Variants in KIAA1549L observed in about 807,000 individuals in gnomAD.
KIAA1549L encodes UPF0606 protein KIAA1549L.
A neutral mutation model predicts 160.7 loss-of-function variants in KIAA1549L; 88 were observed. The observed-to-expected ratio is 0.55, with a 90% CI of 0.46 to 0.65. The LOEUF (loss-of-function observed/expected upper bound fraction) is 0.65. Ranked by LOEUF, KIAA1549L falls within the 30% of genes least tolerant of loss-of-function variation. KIAA1549L has a pLI of 0.00. For missense variants in KIAA1549L, 2,258 were observed against 2,437.5 expected, an observed-to-expected ratio of 0.93 and a Z score of 1.55; for synonymous variants, 950 against 976.7, an observed-to-expected ratio of 0.97 and a Z score of 0.51.
chr11:33,549,569 G>A (rs914561712), intron 4 of KIAA1549L, among the ~76,000 whole-genome samples: 2 of 152,136 alleles, frequency 1.3e-5, no homozygotes, highest in Non-Finnish European at 2.9e-5. Flanking sequence ...ATCATCTTGA[G>A]CACCATCTTC....
intron 1 of KIAA1549L, among the ~76,000 whole-genome samples, chr11:33,475,588 C>T (rs1852267722): frequency 6.6e-6 from 1 of 151,184 alleles, no homozygotes; most frequent in Non-Finnish European, 1.5e-5. Context: ...TGCAGCGGCT[C>T]ATGCCTGTAA....
chr11:33,655,141 T>C (rs1490376756), intron 17 of KIAA1549L, among the ~76,000 whole-genome samples: 1 of 152,254 alleles, frequency 6.6e-6, no homozygotes, highest in East Asian at 1.9e-4. Context: ...TCTAATCCTG[T>C]CTGTCTCTGT....
chr11:33,465,455 A>G (rs1289989456), intron 1 of KIAA1549L, among the ~76,000 whole-genome samples: 1 of 152,096 alleles, frequency 6.6e-6, no homozygotes, highest in African/African-American at 2.4e-5. Context: ...CTCATCCTGC[A>G]TGCATGACCC....
chr11:33,641,722 C>T lies in KIAA1549L; in HGVS notation c.5410-3964C>T, dbSNP rs1026712542. 5.4e-5 allele frequency among the ~76,000 whole-genome samples: 8 copies of T among 149,450 alleles called. No homozygotes were observed. The Admixed American group carries it at 5.4e-4, about 10-fold the overall frequency. ...AATTATGGGGAACACATTTGTCTTT[C>T]AATGCCTTAATTTCCTCTTCTGTAA... On this transcript the variant is annotated intron_variant, in intron 16 of 20. Coordinates refer to ENST00000658780, the MANE Select transcript of KIAA1549L (RefSeq NM_012194.3).
chr11:33,669,445 C>G lies in KIAA1549L; in HGVS notation c.*1291C>G. The G allele has an allele frequency of 6.6e-6, 1 of 152,234 alleles. No homozygotes were observed. Among genetic ancestry groups the G allele is most frequent in the Non-Finnish European group, 1.5e-5 (1 of 68,060 alleles). 9.4% of individuals were successfully genotyped at this position (152,234 alleles called of 1,614,324 possible). ...CCCATCAATGCAAGCAAAACAGCTA[C>G]TGACTTTGTGTAGCAGGGAGATTGG... On this transcript the variant is annotated 3_prime_UTR_variant, in exon 21 of 21. Transcript: ENST00000658780.
At chr11:33,563,284 G>A (rs1347896192) in intron 8 of KIAA1549L, among the ~76,000 whole-genome samples, 1 of 150,660 alleles carries the variant, frequency 6.6e-6, no homozygotes, top group Non-Finnish European at 1.5e-5. Flanking sequence ...AGGAGGCGGA[G>A]GTTGTAGTGA....
chr11:33,442,550 T>A (rs925206416), intron 1 of KIAA1549L, among the ~76,000 whole-genome samples: 1 of 152,246 alleles, frequency 6.6e-6, no homozygotes, highest in Non-Finnish European at 1.5e-5. Flanking sequence ...GCTCAATCTT[T>A]GTCAGTGATC....
chr11:33,498,753 A>T (rs1184154191), intron 1 of KIAA1549L, among the ~76,000 whole-genome samples: 1 of 152,238 alleles, frequency 6.6e-6, no homozygotes, highest in African/African-American at 2.4e-5. Context: ...GTGTATGTAT[A>T]CAGGGAAGGG....
chr11:33,661,125 G>C (rs1852247607), intron 20 of KIAA1549L, 111 bp downstream of exon 20: 1 of 1,070,894 alleles, frequency 9.3e-7, no homozygotes, highest in African/African-American at 1.6e-5. Context: ...CCTCCTCACA[G>C]TACCCGGATG....
intron 13 of KIAA1549L, among the ~76,000 whole-genome samples, chr11:33,599,675 G>A (rs1850303544): frequency 6.6e-6 from 1 of 152,144 alleles, no homozygotes. Context: ...TCTATAGATG[G>A]CCTCTGTCAA....
chr11:33,618,677 G>A lies in KIAA1549L; in HGVS notation c.5409+15G>A, dbSNP rs770438397. On this transcript the variant is annotated intron_variant, in intron 16 of 20. Coordinates refer to ENST00000658780, the MANE Select transcript of KIAA1549L (RefSeq NM_012194.3). ...GCGGATACGATGTGAGTCTCTGGTG[G>A]GCTGGGTAAATACAAGCTTTCCTTT... 30 of 1,555,532 alleles carry A rather than the reference G, an allele frequency of 1.9e-5. 1 individual carries two copies. The South Asian group carries it at 3.3e-4, about 17-fold the overall frequency.
At position 33,539,594 on chromosome 11, in the gene KIAA1549L, C is replaced by T. The variant is rs541588590; in HGVS notation, c.239-2208C>T. Among the ~76,000 whole-genome samples the T allele has an allele frequency of 4.0e-4, 61 of 152,348 alleles. No individual in the cohort carries two copies. In the South Asian group the frequency reaches 6.0e-3, roughly 15 times the overall value. ...TGCTACTTTCTTCTTTCTCTTCTTT[C>T]TTTGCCTCCTCCTTCTGTTTTTCAG... On this transcript the variant is annotated intron_variant, in intron 1 of 20. Coordinates refer to ENST00000658780, the MANE Select transcript of KIAA1549L (RefSeq NM_012194.3).
At chr11:33,445,445 T>G (rs546966865) in intron 1 of KIAA1549L, among the ~76,000 whole-genome samples, 1 of 152,330 alleles carries the variant, frequency 6.6e-6, no homozygotes, top group Admixed American at 6.5e-5. Context: ...TGAAATAATT[T>G]GTGTCGGTTA....
At chr11:33,428,008 A>T (rs2615893) in intron 1 of KIAA1549L, among the ~76,000 whole-genome samples, 1 of 151,878 alleles carries the variant, frequency 6.6e-6, no homozygotes, top group African/African-American at 2.4e-5. Flanking sequence ...TTTGCTTATC[A>T]GTTCGTCCAC....
chr11:33,660,805 G>T, intron 19 of KIAA1549L, 58 bp from the exon 20 acceptor site: 1 of 1,560,928 alleles, frequency 6.4e-7, no homozygotes. Context: ...GCTCTTGGGT[G>T]GCTGGATCCC....
intron 1 of KIAA1549L, among the ~76,000 whole-genome samples, chr11:33,396,494 G>C (rs35689177): frequency 0.13 from 19,227 of 152,254 alleles, 1,611 homozygotes; most frequent in Middle Eastern, 0.22. Context: ...GGAGGACCTT[G>C]AATAGAGGTT....
intron 1 of KIAA1549L, among the ~76,000 whole-genome samples, chr11:33,460,643 GT>G (rs1442438439): frequency 2.6e-5 from 4 of 152,240 alleles, no homozygotes; most frequent in Admixed American, 2.0e-4. Flanking sequence ...GTTACATGTT[GT>G]TGGTCACAGG....
chr11:33,425,843 C>CAAAA (rs889035227), intron 1 of KIAA1549L, among the ~76,000 whole-genome samples: 1 of 152,140 alleles, frequency 6.6e-6, no homozygotes, highest in East Asian at 1.9e-4. Flanking sequence ...GAGCAAAAGG[C>CAAAA]AAAACATCAC....
At chr11:33,558,883 G>C (rs1412000751) in intron 6 of KIAA1549L, among the ~76,000 whole-genome samples, 1 of 151,016 alleles carries the variant, frequency 6.6e-6, no homozygotes, top group Non-Finnish European at 1.5e-5. Flanking sequence ...TCCCAGGCTG[G>C]AGTGCAGTGG....
Sources: gnomAD v4.1 joint callset for allele counts (sites outside exome capture counted in the v4.1 genomes callset) on GRCh38, gnomAD v4.1.1 for gene constraint, MANE v1.5 for transcripts, NCBI Gene and HGNC (gene_info 2026-07-23, HGNC 2026-07-21) for gene names.